RBPMS2: variants seen among roughly 807,000 people sequenced by gnomAD.
RBPMS2 encodes the protein RNA binding protein, mRNA processing factor 2.
A neutral mutation model predicts 25.7 loss-of-function variants in RBPMS2; 14 were observed. That is an observed-to-expected ratio of 0.55 (90% CI 0.36 to 0.85). The LOEUF (loss-of-function observed/expected upper bound fraction) is 0.85, where lower values mean the gene tolerates loss of function less well. Ranked by LOEUF, RBPMS2 falls within the 40% of genes least tolerant of loss-of-function variation. The pLI is 0.01. For missense variants in RBPMS2, 252 were observed against 283.4 expected, an observed-to-expected ratio of 0.89 and a Z score of 0.80; for synonymous variants, 127 against 115.6, an observed-to-expected ratio of 1.10 and a Z score of -0.63.
chr15:64,775,324 C>T lies in RBPMS2; in HGVS notation c.-5G>A. The T allele has an allele frequency of 7.7e-7, 1 of 1,292,336 alleles. No individual in the cohort carries two copies. Among genetic ancestry groups the T allele is most frequent in the South Asian group, 2.1e-5 (1 of 47,938 alleles). The allele number at this position is 1,292,336 out of a possible 1,614,324, so 80.1% of individuals were successfully genotyped here. On this transcript the variant is annotated 5_prime_UTR_variant, in exon 1 of 8. Coordinates refer to ENST00000300069, the MANE Select transcript of RBPMS2 (RefSeq NM_194272.3). ...GTCCGGCTTCAGGTTGCTCATGGTGCGGGGGAGGGGGCGGCGGGAAGGAAC... is the reference window on the plus strand; with the variant it reads ...GTCCGGCTTCAGGTTGCTCATGGTGTGGGGGAGGGGGCGGCGGGAAGGAAC...
intron 1 of RBPMS2, among the ~76,000 whole-genome samples, chr15:64,769,382 C>A (rs1243566928): frequency 1.3e-5 from 2 of 149,188 alleles, no homozygotes; most frequent in African/African-American, 4.9e-5. Flanking sequence ...CGAGATCGCG[C>A]CATTGCACTC....
rs374337024 is a variant in RBPMS2, at chr15:64,762,878, G to C, written c.88-11240C>G. 3.3e-5 allele frequency among the ~76,000 whole-genome samples: 5 copies of C among 152,298 alleles called. No homozygotes were observed. The East Asian group carries it at 7.7e-4, about 24-fold the overall frequency. On this transcript the variant is annotated intron_variant, in intron 1 of 7. Coordinates refer to ENST00000300069, the MANE Select transcript of RBPMS2 (RefSeq NM_194272.3). ...TCTGCACACAAGGTGGCAAAGAAGT[G>C]GTGTGAACAGAGAAGAGAAGGGGAC...
chr15:64,770,433 A>T (rs1002444029), intron 1 of RBPMS2, among the ~76,000 whole-genome samples: 2 of 152,246 alleles, frequency 1.3e-5, no homozygotes, highest in Non-Finnish European at 2.9e-5. Flanking sequence ...TAAGAGTTAA[A>T]ATGGTGCAGA....
At chr15:64,751,806 C>T (rs1254623079) in intron 1 of RBPMS2, among the ~76,000 whole-genome samples, 168 bp from the exon 2 acceptor site, 1 of 152,110 alleles carries the variant, frequency 6.6e-6, no homozygotes, top group Non-Finnish European at 1.5e-5. Flanking sequence ...TCACAGCACT[C>T]AATTTCTCAA....
Position 64,761,696 on chromosome 15 carries a change from C to CTTTT in RBPMS2, c.88-10062_88-10059dup, listed in dbSNP as rs71133473. On this transcript the variant is annotated intron_variant, in intron 1 of 7. Transcript: ENST00000300069. The stretch of plus-strand genomic sequence containing the variant: ...CACAGGTGCACACCACAAAGCCCAG[C>CTTTT]TTTTTTTTTTTTTTTTTTTTTTTTG... 4.5e-3 allele frequency among the ~76,000 whole-genome samples: 387 copies of CTTTT among 86,658 alleles called. 1 individual carries two copies. The highest frequency in any genetic ancestry group is 0.013 in the Middle Eastern group (1 of 80). The allele number at this position is 86,658 out of a possible 152,430, so 56.9% of individuals were successfully genotyped here.
rs1367888715 is a variant in RBPMS2, at chr15:64,775,377, C to T, written c.-58G>A. The T allele has an allele frequency of 1.9e-6, 2 of 1,067,842 alleles. No homozygotes were observed. Among genetic ancestry groups the T allele is most frequent in the Non-Finnish European group, 2.4e-6 (2 of 842,750 alleles). 66.1% of individuals were successfully genotyped at this position (1,067,842 alleles called of 1,614,324 possible). On this transcript the variant is annotated 5_prime_UTR_variant, in exon 1 of 8. Coordinates refer to ENST00000300069, the MANE Select transcript of RBPMS2 (RefSeq NM_194272.3). ...GAGGGCGAGCGCGGCGCCGGCCCCGCGGGAAGTGGGAAGGGGCGCGGGGAG... is the reference window on the plus strand; with the variant it reads ...GAGGGCGAGCGCGGCGCCGGCCCCGTGGGAAGTGGGAAGGGGCGCGGGGAG...
intron 1 of RBPMS2, among the ~76,000 whole-genome samples, chr15:64,755,386 A>G (rs543683751): frequency 2.6e-4 from 40 of 152,244 alleles, no homozygotes; most frequent in Admixed American, 1.6e-3. Flanking sequence ...GGGAGGCTAA[A>G]TCACAGCAAG....
chr15:64,753,102 A>G (rs1195753665), intron 1 of RBPMS2, among the ~76,000 whole-genome samples: 1 of 152,154 alleles, frequency 6.6e-6, no homozygotes, highest in Non-Finnish European at 1.5e-5. Flanking sequence ...GATCCATTCA[A>G]AACATTTTTT....
At chr15:64,741,853 G>A (rs999705268) in intron 6 of RBPMS2, among the ~76,000 whole-genome samples, 1 of 152,076 alleles carries the variant, frequency 6.6e-6, no homozygotes, top group Non-Finnish European at 1.5e-5. Context: ...GGGCAACATA[G>A]GGAGATAATG....
At chr15:64,755,085 C>G (rs753129030) in intron 1 of RBPMS2, among the ~76,000 whole-genome samples, 26 of 152,150 alleles carry the variant, frequency 1.7e-4, no homozygotes, top group Non-Finnish European at 3.8e-4. Context: ...CAGACCTCCC[C>G]AGAGGCCTCT....
chr15:64,766,642 C>A (rs950175764), intron 1 of RBPMS2, among the ~76,000 whole-genome samples: 1 of 152,008 alleles, frequency 6.6e-6, no homozygotes, highest in Admixed American at 6.6e-5. Flanking sequence ...TCTTCTGCCT[C>A]AACCTCCCTA....
chr15:64,769,512 T>C (rs1363347255), intron 1 of RBPMS2, among the ~76,000 whole-genome samples: 1 of 150,944 alleles, frequency 6.6e-6, no homozygotes, highest in Non-Finnish European at 1.5e-5. Context: ...TACAAAAAAT[T>C]AGCCGGGCGT....
intron 1 of RBPMS2, among the ~76,000 whole-genome samples, chr15:64,765,509 C>G (rs1390792398): frequency 6.6e-6 from 1 of 150,598 alleles, no homozygotes; most frequent in East Asian, 2.0e-4. Flanking sequence ...AGCCCAGGAG[C>G]TCGAAGCTAC....
intron 6 of RBPMS2, among the ~76,000 whole-genome samples, chr15:64,744,594 G>A (rs1378052590): frequency 1.1e-4 from 4 of 35,516 alleles, no homozygotes; most frequent in Non-Finnish European, 4.3e-4. Flanking sequence ...AAACAAAACA[G>A]AAGAGGTGCC....
At chr15:64,775,086 C>G (rs2083920653) in intron 1 of RBPMS2, 147 bp downstream of exon 1, 2 of 346,854 alleles carry the variant, frequency 5.8e-6, no homozygotes, top group Non-Finnish European at 9.7e-6. Flanking sequence ...ACACGGGCCG[C>G]TCCTACCCGG....
intron 6 of RBPMS2, among the ~76,000 whole-genome samples, chr15:64,742,182 A>T (rs1377659046): frequency 6.6e-6 from 1 of 152,174 alleles, no homozygotes; most frequent in Non-Finnish European, 1.5e-5. Context: ...AAACAAAAAC[A>T]AAAAACAAAA....
At chr15:64,767,175 C>T (rs887984751) in intron 1 of RBPMS2, among the ~76,000 whole-genome samples, 1 of 152,048 alleles carries the variant, frequency 6.6e-6, no homozygotes, top group Admixed American at 6.6e-5. Flanking sequence ...TACTGGCTCA[C>T]TGCAGCCTCG....
chr15:64,741,835 A>G (rs555913586), intron 6 of RBPMS2, among the ~76,000 whole-genome samples: 1 of 152,286 alleles, frequency 6.6e-6, no homozygotes, highest in African/African-American at 2.4e-5. Flanking sequence ...GGAGTTCAAG[A>G]CCAGCCTGGG....
intron 2 of RBPMS2, among the ~76,000 whole-genome samples, chr15:64,750,940 A>G (rs1046528594): frequency 1.3e-5 from 2 of 152,116 alleles, no homozygotes; most frequent in Non-Finnish European, 2.9e-5. Flanking sequence ...CGGGAGGCAG[A>G]GGCAGGAGAA....
Sources: allele counts gnomAD v4.1 joint callset (sites outside exome capture counted in the v4.1 genomes callset), GRCh38; gene constraint gnomAD v4.1.1; transcripts MANE v1.5; gene names NCBI Gene and HGNC (gene_info 2026-07-23, HGNC 2026-07-21).